Variants in PDE1A observed in about 807,000 individuals in gnomAD.
PDE1A encodes the protein dual specificity calcium/calmodulin-dependent 3',5'-cyclic nucleotide phosphodiesterase 1A.
A neutral mutation model predicts 61.7 loss-of-function variants in PDE1A; 35 were observed. The ratio of observed to expected loss-of-function variants is 0.57; its 90% CI spans 0.43 to 0.75. The LOEUF is 0.75. PDE1A is among the 30% of genes least tolerant of loss of function. The pLI, the probability that PDE1A is intolerant of heterozygous loss-of-function variation, is 0.00. For synonymous variants in PDE1A, 232 were observed against 213.2 expected, an observed-to-expected ratio of 1.09 and a Z score of -0.77; for missense variants, 597 against 630.6, an observed-to-expected ratio of 0.95 and a Z score of 0.57.
chr2:182,426,744 T>C, exon 1 of PDE1A: 1 of 1,552,126 alleles, frequency 6.4e-7, no homozygotes. Flanking sequence ...GAAAAAGTAG[T>C]TTCCTCTTTC....
intron 12 of PDE1A, 135 bp downstream of exon 12, chr2:182,186,333 A>T: frequency 9.7e-7 from 1 of 1,035,508 alleles, no homozygotes; most frequent in Non-Finnish European, 1.4e-6. Context: ...ATATAATATA[A>T]AGCCACTAGG....
intron 2 of PDE1A, among the ~76,000 whole-genome samples, chr2:182,520,957 T>C (rs1023817006): frequency 1.3e-5 from 2 of 152,000 alleles, no homozygotes; most frequent in Admixed American, 1.3e-4. Context: ...AATTTCTAAA[T>C]CTTCAATGGA....
At chr2:182,697,006 C>T in the PDE1A span, among the ~76,000 whole-genome samples, 4 of 152,090 alleles carry the variant, frequency 2.6e-5, no homozygotes, top group Admixed American at 6.5e-5. Flanking sequence ...TTGAGCTGAT[C>T]ACTATATCAA....
chr2:182,222,645 G>A (rs765204661), intron 7 of PDE1A, among the ~76,000 whole-genome samples: 2 of 152,008 alleles, frequency 1.3e-5, no homozygotes, highest in South Asian at 2.1e-4. Flanking sequence ...GGTAGCAGGA[G>A]GAAGCATATG....
chr2:182,669,935 T>C, the PDE1A span, among the ~76,000 whole-genome samples: 11 of 152,228 alleles, frequency 7.2e-5, no homozygotes, highest in Non-Finnish European at 1.2e-4. Flanking sequence ...CATGGGAACA[T>C]GGGCCACACA....
Position 182,224,097 on chromosome 2 carries a change from C to T in PDE1A, c.676-133G>A, listed in dbSNP as rs1268925251. ...TTTTTCATTTCTTTTAATTTGTTTC[C>T]TATTTTACCTCCACTAATTGTGCAA... On this transcript the variant is annotated intron_variant, in intron 6 of 13. Transcript: ENST00000351439. The T allele has an allele frequency of 5.0e-6, 3 of 601,178 alleles. 1 individual carries two copies. Among genetic ancestry groups the T allele is most frequent in the South Asian group, 4.5e-5 (2 of 44,638 alleles). 37.2% of individuals were successfully genotyped at this position (601,178 alleles called of 1,614,324 possible).
upstream of PDE1A, among the ~76,000 whole-genome samples, chr2:182,526,690 T>G (rs964829658): frequency 2.0e-5 from 3 of 152,196 alleles, no homozygotes; most frequent in Admixed American, 6.5e-5. Context: ...AAAATGATCT[T>G]GGGTTAGTGG....
chr2:182,283,278 A>T (rs1327605567), intron 1 of PDE1A, among the ~76,000 whole-genome samples: 1 of 151,990 alleles, frequency 6.6e-6, no homozygotes, highest in Non-Finnish European at 1.5e-5. Context: ...AGTGATTCTG[A>T]TGTAATGTTT....
At chr2:182,184,106 A>G (rs1685010753) in intron 13 of PDE1A, among the ~76,000 whole-genome samples, 1 of 152,110 alleles carries the variant, frequency 6.6e-6, no homozygotes, top group Non-Finnish European at 1.5e-5. Context: ...AATTTCCAGA[A>G]TCCTAAGTTA....
chr2:182,487,412 A>G (rs1255351384), intron 2 of PDE1A, among the ~76,000 whole-genome samples: 1 of 152,194 alleles, frequency 6.6e-6, no homozygotes, highest in Non-Finnish European at 1.5e-5. Flanking sequence ...CATTCTTAGG[A>G]ATCTACTCAA....
At chr2:182,567,273 G>A in the PDE1A span, among the ~76,000 whole-genome samples, 10 of 152,118 alleles carry the variant, frequency 6.6e-5, no homozygotes, top group African/African-American at 1.9e-4. Flanking sequence ...GTGAAACTTC[G>A]TTTTCCTGGC....
At chr2:182,565,349 C>T in the PDE1A span, among the ~76,000 whole-genome samples, 30 of 152,296 alleles carry the variant, frequency 2.0e-4, no homozygotes, top group East Asian at 4.1e-3. Context: ...GTACCAGCAG[C>T]GGTGGCTGCA....
chr2:182,595,607 G>A, the PDE1A span, among the ~76,000 whole-genome samples: 2 of 152,154 alleles, frequency 1.3e-5, no homozygotes, highest in African/African-American at 4.8e-5. Flanking sequence ...CTTAGAATGG[G>A]GAACTCTATA....
At chr2:182,154,753 A>G (rs542606009) in intron 13 of PDE1A, among the ~76,000 whole-genome samples, 1 of 152,304 alleles carries the variant, frequency 6.6e-6, no homozygotes, top group Non-Finnish European at 1.5e-5. Context: ...AGTCTCAAGT[A>G]CGTCTTTATT....
At chr2:182,456,739 T>C (rs983555477) in intron 2 of PDE1A, among the ~76,000 whole-genome samples, 8 of 152,082 alleles carry the variant, frequency 5.3e-5, no homozygotes, top group African/African-American at 1.4e-4. Flanking sequence ...CAATCTTTTA[T>C]CAATATGTAC....
chr2:182,376,525 G>A (rs1363050598), intron 1 of PDE1A, among the ~76,000 whole-genome samples: 1 of 152,114 alleles, frequency 6.6e-6, no homozygotes, highest in African/African-American at 2.4e-5. Flanking sequence ...CAGCATTTTG[G>A]TTAAAGCCAT....
chr2:182,638,009 A>C, the PDE1A span, among the ~76,000 whole-genome samples: 2 of 152,198 alleles, frequency 1.3e-5, no homozygotes, highest in South Asian at 2.1e-4. Flanking sequence ...AATAAAAACT[A>C]AATGCAATGT....
chr2:182,170,697 A>C (rs1307686613), intron 13 of PDE1A, among the ~76,000 whole-genome samples: 1 of 152,042 alleles, frequency 6.6e-6, no homozygotes, highest in African/African-American at 2.4e-5. Context: ...ATAATATCTA[A>C]ATTGTAGGGT....
At chr2:182,694,945 C>T in the PDE1A span, among the ~76,000 whole-genome samples, 4 of 150,352 alleles carry the variant, frequency 2.7e-5, no homozygotes, top group African/African-American at 9.8e-5. Flanking sequence ...ACTTAATATA[C>T]TATCCCATTT....
Sources: allele counts gnomAD v4.1 joint callset (sites outside exome capture counted in the v4.1 genomes callset), GRCh38; gene constraint gnomAD v4.1.1; transcripts MANE v1.5; gene names NCBI Gene and HGNC (gene_info 2026-07-23, HGNC 2026-07-21).